Variants in INPP1 observed in about 807,000 individuals in gnomAD.
The protein encoded by INPP1 is inositol polyphosphate-1-phosphatase, also known as inositol polyphosphate 1-phosphatase.
INPP1 carries 18 observed loss-of-function variants against 23.0 expected under a neutral mutation model. That is an observed-to-expected ratio of 0.78 (90% CI 0.54 to 1.16). The LOEUF (loss-of-function observed/expected upper bound fraction) is 1.16, where lower values mean the gene tolerates loss of function less well. Among genes scored for constraint, INPP1 ranks in the 50% most tolerant of loss-of-function variants. The pLI, the probability that INPP1 is intolerant of heterozygous loss-of-function variation, is 0.00. For missense variants in INPP1, 448 were observed against 482.1 expected (o/e 0.93, Z 0.66); for synonymous variants, 164 against 176.3 (o/e 0.93, Z 0.55).
intron 2 of INPP1, among the ~76,000 whole-genome samples, chr2:190,357,186 CT>C (rs1174388976): frequency 2.0e-5 from 3 of 152,146 alleles, no homozygotes; most frequent in Non-Finnish European, 4.4e-5. Context: ...CACCTGAAAG[CT>C]TTTTGCATTA....
chr2:190,348,818 T>C (rs1242225443), intron 1 of INPP1, 70 bp from the exon 2 acceptor site: 1 of 152,198 alleles, frequency 6.6e-6, no homozygotes, highest in Non-Finnish European at 1.5e-5. Flanking sequence ...ATCATAGAAA[T>C]CATCCAATCC....
chr2:190,370,050 A>G (rs1377538787), intron 6 of INPP1, among the ~76,000 whole-genome samples: 3 of 152,250 alleles, frequency 2.0e-5, no homozygotes, highest in Non-Finnish European at 4.4e-5. Flanking sequence ...ACCATCTTCC[A>G]AACTAAAAAT....
In INPP1 at chr2:190,346,169, T is replaced by C. The variant is rs553723096; in HGVS notation, c.-209+2208T>C. ...GTTTAAAAGATTCCCAGATTGCAAC[T>C]TGAGACTTCCTGGATCAGAATTTCT... is the stretch of plus-strand genomic sequence containing the variant. On this transcript the variant is annotated intron_variant, in intron 1 of 6. Transcript: ENST00000392329. This position sits in a 1 kb window ranked among gnomAD's most constrained non-coding sequence, Gnocchi z 5.1. Among the ~76,000 whole-genome samples, 1 of 152,296 alleles carries C rather than the reference T, an allele frequency of 6.6e-6. No individual in the cohort carries two copies. Among genetic ancestry groups the C allele is most frequent in the African/African-American group, 2.4e-5 (1 of 41,546 alleles).
rs1191580245 is a variant in INPP1 at position 190,354,795 on chromosome 2, G to A, written c.-64-5244G>A. On this transcript the variant is annotated intron_variant, in intron 2 of 6. Coordinates refer to ENST00000392329, the MANE Select transcript of INPP1 (RefSeq NM_001128928.2). The surrounding 1 kb of genome is among the most constrained non-coding windows in gnomAD (Gnocchi z 4.8). ...GAGACATCAGTGGAACTTAATAGAT[G>A]AGCTTTTACTACCCAGAAGGGTCCT... 6.6e-6 allele frequency among the ~76,000 whole-genome samples: 1 copy of A among 152,196 alleles called. No homozygotes were observed. Among genetic ancestry groups the A allele is most frequent in the African/African-American group, 2.4e-5 (1 of 41,450 alleles).
At chr2:190,364,277 C>T (rs1225649327) in intron 4 of INPP1, among the ~76,000 whole-genome samples, 1 of 152,114 alleles carries the variant, frequency 6.6e-6, no homozygotes, top group Non-Finnish European at 1.5e-5. Context: ...CGGTGGCTCA[C>T]GCCTGTAATC....
rs573947182 is a variant in INPP1, at chr2:190,355,624, C to T, written c.-64-4415C>T. ...CTGATACAGGTAACTCTCAGAACAT[C>T]CATTGAGAAATACTAATCAAAAGGA... is the stretch of plus-strand genomic sequence containing the variant. On this transcript the variant is annotated intron_variant, in intron 2 of 6. Coordinates refer to ENST00000392329, the MANE Select transcript of INPP1 (RefSeq NM_001128928.2). This position sits in a 1 kb window ranked among gnomAD's most constrained non-coding sequence, Gnocchi z 5.1. Among the ~76,000 whole-genome samples, 39 of 152,104 alleles carry T rather than the reference C, an allele frequency of 2.6e-4. No homozygotes were observed. The highest frequency in any genetic ancestry group is 5.3e-4 in the Non-Finnish European group (36 of 68,020).
intron 4 of INPP1, 27 bp from the exon 5 acceptor site, chr2:190,366,668 A>G: frequency 1.3e-6 from 2 of 1,509,504 alleles, no homozygotes; most frequent in Non-Finnish European, 1.8e-6. Flanking sequence ...TTGAAATGTA[A>G]TGGCTTATCG....
intron 2 of INPP1, among the ~76,000 whole-genome samples, chr2:190,353,897 G>A (rs561200314): frequency 6.6e-6 from 1 of 152,310 alleles, no homozygotes; most frequent in East Asian, 1.9e-4. Context: ...GGGTTTCCAA[G>A]AAAAGTCTTA....
At chr2:190,351,446 AC>A (rs2124918389) in intron 2 of INPP1, among the ~76,000 whole-genome samples, 1 of 152,360 alleles carries the variant, frequency 6.6e-6, no homozygotes, top group South Asian at 2.1e-4. Context: ...CCAGAACATT[AC>A]CAGAGCTGCC....
intron 4 of INPP1, 194 bp downstream of exon 4, chr2:190,362,881 T>C: frequency 2.6e-6 from 1 of 391,706 alleles, no homozygotes; most frequent in Non-Finnish European, 4.7e-6. Flanking sequence ...TGTGGTATCT[T>C]AGAATAATTT....
rs200425766 is a variant in INPP1, at chr2:190,365,960, GCT to G, written c.266-727_266-726del. Among the ~76,000 whole-genome samples, 231 of 80,108 alleles carry G rather than the reference GCT, an allele frequency of 2.9e-3. 2 individuals carry two copies. Among genetic ancestry groups the G allele is most frequent in the Admixed American group, 0.011 (70 of 6,520 alleles). The allele number at this position is 80,108 out of a possible 152,430, so 52.6% of individuals were successfully genotyped here. A position where few individuals can be genotyped will look rare whatever the true frequency, so the allele number is the denominator to read the frequency against. ...CGCTCACTGTCTGTCTCACTCTTTT[GCT>G]CTCTCTCGCTCTCTCGCTCTGTCTC... On this transcript the variant is annotated intron_variant, in intron 4 of 6. Transcript: ENST00000392329.
chr2:190,343,955 G>T lies in INPP1; in HGVS notation c.-215G>T. 4.2e-6 allele frequency: 1 copy of T among 239,600 alleles called. No homozygotes were observed. 14.8% of individuals were successfully genotyped at this position (239,600 alleles called of 1,614,324 possible). A position where few individuals can be genotyped will look rare whatever the true frequency, so the allele number is the denominator to read the frequency against. ...TGCCTCCTGCTCTGTCCTCATCCCC[G>T]GCTTAGGTAACACGTTTTCCTCCTT... On this transcript the variant is annotated 5_prime_UTR_variant, in exon 1 of 7. Coordinates refer to ENST00000392329, the MANE Select transcript of INPP1 (RefSeq NM_001128928.2).
intron 2 of INPP1, among the ~76,000 whole-genome samples, chr2:190,349,263 C>T (rs1320810235): frequency 6.6e-6 from 1 of 151,952 alleles, no homozygotes; most frequent in Non-Finnish European, 1.5e-5. Flanking sequence ...CATGGTGAAA[C>T]CCATCTCTAC....
chr2:190,366,636 T>G, intron 4 of INPP1, 59 bp from the exon 5 acceptor site: 1 of 1,196,714 alleles, frequency 8.4e-7, no homozygotes, highest in Non-Finnish European at 1.2e-6. Context: ...TCTCTCTCTC[T>G]GTTCTTTCTC....
chr2:190,366,612 TCTCA>T, intron 4 of INPP1, 79 bp from the exon 5 acceptor site: 1 of 978,794 alleles, frequency 1.0e-6, no homozygotes, highest in Non-Finnish European at 1.6e-6. Flanking sequence ...TCTCTGTCTC[TCTCA>T]CTCTTTAGCT....
rs534115798 is a variant in INPP1, at chr2:190,360,044, G to A, written c.-59G>A. ...ACATTCTTGTATTTTTCCAGCTGACGGCCCAGAGGGTGGGTGCCAATTCCA... is the reference window on the plus strand; with the variant it reads ...ACATTCTTGTATTTTTCCAGCTGACAGCCCAGAGGGTGGGTGCCAATTCCA... On this transcript the variant is annotated 5_prime_UTR_variant, in exon 3 of 7. Coordinates refer to ENST00000392329, the MANE Select transcript of INPP1 (RefSeq NM_001128928.2). 1.4e-5 allele frequency: 21 copies of A among 1,541,184 alleles called. No individual in the cohort carries two copies. The East Asian group carries it at 2.5e-4, about 18-fold the overall frequency.
rs143015591 is a variant in INPP1 at position 190,366,275 on chromosome 2, G to GTC, written c.266-411_266-410dup. ...TCCCTCTGTCTCTTTCACTCTTCCT[G>GTC]TCTCTCTCTCGCTCTCTGTCTCTCT... On this transcript the variant is annotated intron_variant, in intron 4 of 6. Coordinates refer to ENST00000392329, the MANE Select transcript of INPP1 (RefSeq NM_001128928.2). Among the ~76,000 whole-genome samples the GTC allele has an allele frequency of 1.1e-4, 15 of 133,048 alleles. No individual in the cohort carries two copies. The East Asian group carries it at 2.4e-3, about 21-fold the overall frequency. The allele number at this position is 133,048 out of a possible 152,430, so 87.3% of individuals were successfully genotyped here.
rs1689373461 is a variant in INPP1, at chr2:190,354,162, T to C, written c.-65+5131T>C. Among the ~76,000 whole-genome samples the C allele has an allele frequency of 6.6e-6, 1 of 152,226 alleles. No homozygotes were observed. The highest frequency in any genetic ancestry group is 6.5e-5 in the Admixed American group (1 of 15,284). Reference sequence around the variant, plus strand: ...AGAGGTTCAGTGCTCACTGCAATATTAATTACTTGGCTGTTAAAGCGAATA... The same window carrying C: ...AGAGGTTCAGTGCTCACTGCAATATCAATTACTTGGCTGTTAAAGCGAATA... On this transcript the variant is annotated intron_variant, in intron 2 of 6. Coordinates refer to ENST00000392329, the MANE Select transcript of INPP1 (RefSeq NM_001128928.2). This position sits in a 1 kb window ranked among gnomAD's most constrained non-coding sequence, Gnocchi z 4.8.
At chr2:190,366,661 A>C in intron 4 of INPP1, 34 bp from the exon 5 acceptor site, 1 of 1,462,088 alleles carries the variant, frequency 6.8e-7, no homozygotes. Context: ...GAAACTCTTG[A>C]AATGTAATGG....
Sources: gnomAD v4.1 joint callset for allele counts (sites outside exome capture counted in the v4.1 genomes callset) on GRCh38, gnomAD v4.1.1 for gene constraint, Gnocchi (gnomAD v3.1) non-coding constraint, MANE v1.5 for transcripts, NCBI Gene and HGNC (gene_info 2026-07-23, HGNC 2026-07-21) for gene names.